THADA: variants seen among roughly 807,000 people sequenced by gnomAD.
THADA encodes THADA armadillo repeat containing.
In THADA, 213 loss-of-function variants were observed where a neutral mutation model predicts 219.8. The observed-to-expected ratio is 0.97, with a 90% CI of 0.87 to 1.09. The LOEUF (loss-of-function observed/expected upper bound fraction) is 1.09. Among genes scored for constraint, THADA ranks in the 50% least tolerant of loss-of-function variants. The pLI, the probability that THADA is intolerant of heterozygous loss-of-function variation, is 0.00. For synonymous variants in THADA, 1,018 were observed against 828.9 expected (o/e 1.23, Z -3.92); for missense variants, 2,956 against 2,311.3 (o/e 1.28, Z -5.72).
intron 29 of THADA, among the ~76,000 whole-genome samples, chr2:43,381,042 G>A (rs1671952141): frequency 1.4e-5 from 2 of 142,622 alleles, no homozygotes; most frequent in Middle Eastern, 3.8e-3. Flanking sequence ...AGGCTGCAGT[G>A]AGCCAAGATC....
rs774101205 is a variant in THADA, at chr2:43,573,481, G to A, written c.1730-489C>T. Among the ~76,000 whole-genome samples the A allele has an allele frequency of 3.9e-5, 6 of 152,180 alleles. No homozygotes were observed. In the East Asian group the frequency reaches 7.7e-4, roughly 20 times the overall value. ...GACGTCAGCCATTACCAAGAAGACA[G>A]GGCAGCTTGATATAAAAATAAAGAC... is the stretch of plus-strand genomic sequence containing the variant. On this transcript the variant is annotated intron_variant, in intron 11 of 37. Transcript: ENST00000405975.
At chr2:43,393,112 A>T (rs1015416571) in intron 29 of THADA, among the ~76,000 whole-genome samples, 45 of 152,210 alleles carry the variant, frequency 3.0e-4, no homozygotes, top group African/African-American at 1.1e-3. Context: ...AGTAGCATTA[A>T]ATGGAAGACC....
intron 26 of THADA, among the ~76,000 whole-genome samples, chr2:43,480,709 T>A (rs1457213922): frequency 6.6e-6 from 1 of 151,312 alleles, no homozygotes; most frequent in Non-Finnish European, 1.5e-5. Context: ...TCCCAGCTAC[T>A]CGGGAGGCTG....
At chr2:43,338,541 A>G (rs1666739491) in intron 30 of THADA, among the ~76,000 whole-genome samples, 1 of 152,182 alleles carries the variant, frequency 6.6e-6, no homozygotes, top group African/African-American at 2.4e-5. Context: ...GCCCCTGGCA[A>G]CCACTATTCT....
intron 30 of THADA, among the ~76,000 whole-genome samples, chr2:43,327,479 G>A (rs571216954): frequency 7.2e-6 from 1 of 139,140 alleles, no homozygotes; most frequent in East Asian, 2.6e-4. Context: ...GAAGTAAAGA[G>A]GGGGGGTGGT....
intron 25 of THADA, among the ~76,000 whole-genome samples, chr2:43,494,760 A>G (rs1688061699): frequency 6.6e-6 from 1 of 152,210 alleles, no homozygotes; most frequent in Admixed American, 6.5e-5. Flanking sequence ...CAATACAGTA[A>G]GCAGATATGT....
At chr2:43,248,434 G>C (rs910062460) in intron 36 of THADA, among the ~76,000 whole-genome samples, 1 of 152,030 alleles carries the variant, frequency 6.6e-6, no homozygotes, top group African/African-American at 2.4e-5. Flanking sequence ...GTTTTGCCAT[G>C]TTGGCCAGGC....
chr2:43,502,178 GCACTCC>G (rs1558866050), intron 24 of THADA, among the ~76,000 whole-genome samples: 1 of 152,040 alleles, frequency 6.6e-6, no homozygotes, highest in Non-Finnish European at 1.5e-5. Context: ...AGACTTGCAC[GCACTCC>G]AGCCTGGGTG....
At chr2:43,310,871 T>C (rs950463590) in intron 31 of THADA, among the ~76,000 whole-genome samples, 3 of 152,122 alleles carry the variant, frequency 2.0e-5, no homozygotes, top group Non-Finnish European at 2.9e-5. Context: ...CCTTACAACT[T>C]GAGAATAAAA....
chr2:43,405,463 T>C (rs751811126), intron 28 of THADA, among the ~76,000 whole-genome samples: 4 of 152,232 alleles, frequency 2.6e-5, no homozygotes, highest in Admixed American at 6.5e-5. Context: ...AGTTCAGTGA[T>C]GGCCAAGGTT....
chr2:43,309,326 C>A (rs1023919425), intron 31 of THADA, among the ~76,000 whole-genome samples: 6 of 152,170 alleles, frequency 3.9e-5, no homozygotes, highest in African/African-American at 1.4e-4. Flanking sequence ...GATCCAGTAA[C>A]CCCTTTCCTA....
intron 21 of THADA, among the ~76,000 whole-genome samples, chr2:43,536,305 T>C (rs2103784776): frequency 6.6e-6 from 1 of 152,354 alleles, no homozygotes; most frequent in African/African-American, 2.4e-5. Flanking sequence ...CACTGGTCTA[T>C]GTGTCTGTTT....
In THADA at chr2:43,232,571, C is replaced by A. The variant is rs986983905; in HGVS notation, c.5466+142G>T. 9.1e-6 allele frequency: 8 copies of A among 876,554 alleles called. No homozygotes were observed. The African/African-American group carries it at 1.3e-4, about 15-fold the overall frequency. 54.3% of individuals were successfully genotyped at this position (876,554 alleles called of 1,614,324 possible). On this transcript the variant is annotated intron_variant, in intron 37 of 37. Coordinates refer to ENST00000405975, the MANE Select transcript of THADA (RefSeq NM_022065.5). ...CCTAAGAGTGTCCCCGTGTCCTCGGCAGCACCCAGTGGGTGACTTTCCTAG... is the reference window on the plus strand; with the variant it reads ...CCTAAGAGTGTCCCCGTGTCCTCGGAAGCACCCAGTGGGTGACTTTCCTAG...
chr2:43,355,727 A>C (rs1668803768), intron 29 of THADA, among the ~76,000 whole-genome samples: 1 of 152,242 alleles, frequency 6.6e-6, no homozygotes, highest in Admixed American at 6.5e-5. Context: ...CAGTTTTCCC[A>C]GCACCATTTA....
intron 36 of THADA, among the ~76,000 whole-genome samples, chr2:43,263,029 G>A (rs1671136356): frequency 6.6e-6 from 1 of 152,176 alleles, no homozygotes; most frequent in African/African-American, 2.4e-5. Flanking sequence ...GGGCATCCTT[G>A]GCCTTTGAAA....
chr2:43,430,651 C>A (rs1294975147), intron 26 of THADA: 1 of 458,672 alleles, frequency 2.2e-6, no homozygotes, highest in Admixed American at 2.3e-5. Flanking sequence ...TTGACTGAGA[C>A]TGACTCAGCT....
chr2:43,579,338 T>C (rs1329079061), intron 8 of THADA, among the ~76,000 whole-genome samples: 1 of 152,214 alleles, frequency 6.6e-6, no homozygotes, highest in East Asian at 1.9e-4. Flanking sequence ...AGGGCTTGTA[T>C]AAAGAATGTA....
At chr2:43,374,208 G>C (rs1671120588) in intron 29 of THADA, among the ~76,000 whole-genome samples, 1 of 152,100 alleles carries the variant, frequency 6.6e-6, no homozygotes, top group African/African-American at 2.4e-5. Flanking sequence ...AATATTCTTG[G>C]GGAAAGCCCA....
At position 43,586,749 on chromosome 2, in the gene THADA, A is replaced by G; in HGVS notation, c.452-15T>C. ...ACTTGCTCTACCTGTAGAGGAAAAA[A>G]TGAACACTGGTAAGGAGTTTCACGA... On this transcript the variant is annotated splice_polypyrimidine_tract_variant and intron_variant, in intron 5 of 37. Transcript: ENST00000405975. The G allele has an allele frequency of 6.2e-7, 1 of 1,612,676 alleles. No homozygotes were observed. Among genetic ancestry groups the G allele is most frequent in the Non-Finnish European group, 8.5e-7 (1 of 1,179,584 alleles).
Sources: gnomAD v4.1 joint callset for allele counts (sites outside exome capture counted in the v4.1 genomes callset) on GRCh38, gnomAD v4.1.1 for gene constraint, MANE v1.5 for transcripts, NCBI Gene and HGNC (gene_info 2026-07-23, HGNC 2026-07-21) for gene names.